CACNA1D: variants seen among roughly 807,000 people sequenced by gnomAD.
The protein encoded by CACNA1D is calcium voltage-gated channel subunit alpha1 D.
Under a neutral mutation model 257.1 loss-of-function variants are expected in CACNA1D, and 55 were observed. That is an observed-to-expected ratio of 0.21 (90% CI 0.17 to 0.27). CACNA1D has a LOEUF of 0.27. CACNA1D is among the 10% of genes least tolerant of loss of function. The probability of loss-of-function intolerance (pLI) is 1.00; values close to 1 mark genes in which losing one functional copy is unlikely to be tolerated. For synonymous variants in CACNA1D, 980 were observed against 1,014.9 expected (o/e 0.97, Z 0.65); for missense variants, 1,876 against 2,784.0 (o/e 0.67, Z 7.34).
intron 3 of CACNA1D, among the ~76,000 whole-genome samples, chr3:53,533,557 G>T (rs1049543398): frequency 2.0e-5 from 3 of 152,206 alleles, no homozygotes; most frequent in Non-Finnish European, 4.4e-5. Context: ...GTGCTGGTGG[G>T]TAACATTCAG....
At chr3:53,730,733 C>G (rs1576485520) in intron 16 of CACNA1D, among the ~76,000 whole-genome samples, 177 bp downstream of exon 16, 2 of 152,342 alleles carry the variant, frequency 1.3e-5, no homozygotes, top group South Asian at 2.1e-4. Context: ...TGGGCAGAAG[C>G]CAGGCTCTTG....
At chr3:53,507,287 G>T (rs974811648) in intron 3 of CACNA1D, among the ~76,000 whole-genome samples, 5 of 152,018 alleles carry the variant, frequency 3.3e-5, no homozygotes, top group African/African-American at 1.2e-4. Flanking sequence ...AGTATTGACG[G>T]CTTTTCCAAA....
chr3:53,685,996 A>G (rs1398997853), intron 8 of CACNA1D, among the ~76,000 whole-genome samples: 1 of 152,100 alleles, frequency 6.6e-6, no homozygotes, highest in East Asian at 1.9e-4. Context: ...CTCTAACAAA[A>G]CTAATCAAAA....
intron 3 of CACNA1D, among the ~76,000 whole-genome samples, chr3:53,633,444 C>G (rs1284988051): frequency 1.5e-5 from 2 of 131,922 alleles, no homozygotes; most frequent in East Asian, 4.7e-4. Flanking sequence ...AACAGAGACT[C>G]TGTCTTAAAA....
At chr3:53,732,726 T>C (rs940806053) in intron 18 of CACNA1D, 89 bp from the exon 19 acceptor site, 1 of 1,276,946 alleles carries the variant, frequency 7.8e-7, no homozygotes, top group African/African-American at 1.5e-5. Flanking sequence ...TGTTAAAGTT[T>C]AAGCCAAATT....
chr3:53,660,284 T>C lies in CACNA1D; in HGVS notation c.766+9T>C. On this transcript the variant is annotated intron_variant, in intron 5 of 47. Transcript: ENST00000350061. ...AGTGTCAGGAGTGCCCAGTAAGCAC[T>C]TATTGTTTCCTAGAGTCAGGAGTGT... 1.2e-6 allele frequency: 2 copies of C among 1,613,704 alleles called. No individual in the cohort carries two copies. The highest frequency in any genetic ancestry group is 1.7e-6 in the Non-Finnish European group (2 of 1,179,750).
chr3:53,783,776 T>A (rs1418615650), intron 39 of CACNA1D, among the ~76,000 whole-genome samples: 2 of 152,170 alleles, frequency 1.3e-5, no homozygotes, highest in Non-Finnish European at 2.9e-5. Context: ...AGTAGGCCCA[T>A]GTCCCCAACC....
rs759058791 is a variant in CACNA1D at position 53,809,985 on chromosome 3, C to T, written c.5879C>T (p.Ala1960Val). 6.2e-7 allele frequency: 1 copy of T among 1,614,006 alleles called. No individual in the cohort carries two copies. Among genetic ancestry groups the T allele is most frequent in the Non-Finnish European group, 8.5e-7 (1 of 1,179,956 alleles). The change falls in exon 47 of 48, where the codon GCA (alanine) becomes GTA (valine). Residue 1960 changes from alanine to valine, a missense_variant. Transcript: ENST00000350061. The stretch of plus-strand genomic sequence containing the variant: ...AGTCCCCTCTTTCCTCAGATCATGG[C>T]AGTTGCCGGCCTAGATTCAAGTAAA... Reference protein sequence around the residue: ...PLHLMQQQIMAVAGLDSSKAQ... With the variant: ...PLHLMQQQIMVVAGLDSSKAQ...
At chr3:53,790,901 T>C in intron 40 of CACNA1D, 1 of 687,086 alleles carries the variant, frequency 1.5e-6, no homozygotes. Flanking sequence ...AGCCTCTTTT[T>C]AAATTTTTTT....
At chr3:53,682,386 A>AAAAAAAAAAAAAAAAAAC (rs2094440023) in intron 8 of CACNA1D, among the ~76,000 whole-genome samples, 1 of 147,226 alleles carries the variant, frequency 6.8e-6, no homozygotes, top group Non-Finnish European at 1.5e-5. Flanking sequence ...AAAAAAAAAA[A>AAAAAAAAAAAAAAAAAAC]AAAAAAAAAA....
chr3:53,667,449 G>A lies in CACNA1D; in HGVS notation c.1116+914G>A, dbSNP rs189604972. 1.2e-4 allele frequency among the ~76,000 whole-genome samples: 19 copies of A among 152,308 alleles called. No homozygotes were observed. In the East Asian group the frequency reaches 3.5e-3, roughly 28 times the overall value. ...ATCCAAGTCCAAAGGGGAGTAACCAGGATTCCAATCATGAGTTGTTAAAAG... is the reference window on the plus strand; with the variant it reads ...ATCCAAGTCCAAAGGGGAGTAACCAAGATTCCAATCATGAGTTGTTAAAAG... On this transcript the variant is annotated intron_variant, in intron 7 of 47. Coordinates refer to ENST00000350061, the MANE Select transcript of CACNA1D (RefSeq NM_001128840.3).
chr3:53,520,853 T>C (rs181081218), intron 3 of CACNA1D, among the ~76,000 whole-genome samples: 5 of 77,706 alleles, frequency 6.4e-5, no homozygotes, highest in Admixed American at 2.5e-4. Flanking sequence ...CAAACTCCTT[T>C]CTTTCTTTCT....
At chr3:53,521,502 G>A (rs2091574538) in intron 3 of CACNA1D, among the ~76,000 whole-genome samples, 1 of 152,128 alleles carries the variant, frequency 6.6e-6, no homozygotes, top group African/African-American at 2.4e-5. Flanking sequence ...AGAGAGGAGG[G>A]GCCTTTCTGA....
In CACNA1D at chr3:53,803,532, G is replaced by A. The variant is rs1216644565; in HGVS notation, c.5545G>A (p.Glu1849Lys). The change falls in exon 44 of 48, where the codon GAG becomes AAG. Residue 1849 changes from glutamate to lysine, a missense_variant. Physicochemically the swap from Glu to Lys is moderately conservative, Grantham distance 56. This residue lies in a region of CACNA1D where 491 missense variants were observed against 554.3 expected (regional missense o/e 0.89). Transcript: ENST00000350061. ...GGGGGAGCAGGAGTATTTCAGTAGT[G>A]AGGAATGCTACGAGGATGACAGCTC... ...CLGEQEYFSS[E>K]ECYEDDSSPT... 6.2e-7 allele frequency: 1 copy of A among 1,614,170 alleles called. No homozygotes were observed. The highest frequency in any genetic ancestry group is 1.1e-5 in the South Asian group (1 of 91,088).
intron 3 of CACNA1D, among the ~76,000 whole-genome samples, chr3:53,540,986 T>C (rs776528247): frequency 5.3e-5 from 8 of 151,970 alleles, no homozygotes; most frequent in Non-Finnish European, 1.2e-4. Context: ...AGCTGATCCA[T>C]TTGCCTCGGC....
rs1157555772 is a variant in CACNA1D, at chr3:53,804,972, C to A, written c.5586-11C>A. Reference sequence around the variant, plus strand: ...ACCTAGAACCTTACTGCCCTCCTCTCTGACCTCCAGGCAAAACTATGGCTA... The same window carrying A: ...ACCTAGAACCTTACTGCCCTCCTCTATGACCTCCAGGCAAAACTATGGCTA... On this transcript the variant is annotated splice_polypyrimidine_tract_variant and intron_variant, in intron 44 of 47. Coordinates refer to ENST00000350061, the MANE Select transcript of CACNA1D (RefSeq NM_001128840.3). 1 of 1,613,952 alleles carries A rather than the reference C, an allele frequency of 6.2e-7. No homozygotes were observed. Among genetic ancestry groups the A allele is most frequent in the Admixed American group, 1.7e-5 (1 of 60,022 alleles).
chr3:53,531,972 A>T (rs187331228), intron 3 of CACNA1D, among the ~76,000 whole-genome samples: 67 of 152,242 alleles, frequency 4.4e-4, no homozygotes, highest in Non-Finnish European at 5.3e-4. Flanking sequence ...TACACCAGGG[A>T]TCCCCTCGGT....
intron 2 of CACNA1D, 141 bp downstream of exon 2, chr3:53,497,602 A>G (rs2090405627): frequency 4.8e-6 from 4 of 830,400 alleles, no homozygotes; most frequent in Non-Finnish European, 7.7e-6. Context: ...GTTTCATTGT[A>G]TATACCTTCC....
chr3:53,792,461 G>T (rs2095488403), intron 40 of CACNA1D: 1 of 152,240 alleles, frequency 6.6e-6, no homozygotes, highest in South Asian at 2.1e-4. Flanking sequence ...ATAGAGAAAA[G>T]AAGGGCTTAT....
Sources: gnomAD v4.1 joint callset for allele counts (sites outside exome capture counted in the v4.1 genomes callset) on GRCh38, gnomAD v4.1.1 for gene constraint, gnomAD v4.1.1 regional missense constraint, MANE v1.5 for transcripts, NCBI Gene and HGNC (gene_info 2026-07-23, HGNC 2026-07-21) for gene names.